Variants in SEL1L3 observed in about 807,000 individuals in gnomAD.
The protein encoded by SEL1L3 is protein sel-1 homolog 3.
In SEL1L3, 76 loss-of-function variants were observed where a neutral mutation model predicts 142.8. The ratio of observed to expected loss-of-function variants is 0.53; its 90% CI spans 0.44 to 0.64. The LOEUF is 0.64. SEL1L3 is among the 30% of genes least tolerant of loss of function. The pLI, the probability that SEL1L3 is intolerant of heterozygous loss-of-function variation, is 0.00. For synonymous variants in SEL1L3, 504 were observed against 519.6 expected (o/e 0.97, Z 0.41); for missense variants, 1,262 against 1,381.7 (o/e 0.91, Z 1.37).
chr4:25,806,687 T>A (rs1303094274), intron 9 of SEL1L3, among the ~76,000 whole-genome samples: 1 of 152,150 alleles, frequency 6.6e-6, no homozygotes, highest in Non-Finnish European at 1.5e-5. Context: ...ATCCTCCAGT[T>A]ACTAGCTTCT....
At chr4:25,847,260 G>C (rs757529696) in intron 2 of SEL1L3, 34 bp downstream of exon 2, 12 of 1,538,378 alleles carry the variant, frequency 7.8e-6, no homozygotes, top group Admixed American at 1.9e-5. Context: ...CTGAAAAAAT[G>C]AGAATTAGGT....
chr4:25,784,438 G>A, intron 13 of SEL1L3, 148 bp from the exon 14 acceptor site: 2 of 671,612 alleles, frequency 3.0e-6, no homozygotes, highest in Non-Finnish European at 2.6e-6. Context: ...TATAGGTAGT[G>A]CTATTTCATT....
At chr4:25,843,817 CA>C (rs1375957282) in intron 2 of SEL1L3, among the ~76,000 whole-genome samples, 1 of 152,238 alleles carries the variant, frequency 6.6e-6, no homozygotes, top group Admixed American at 6.5e-5. Context: ...AAATCAGCCT[CA>C]TGGCCTGGCC....
chr4:25,798,871 G>A (rs1268218469), intron 11 of SEL1L3, among the ~76,000 whole-genome samples: 2 of 151,986 alleles, frequency 1.3e-5, no homozygotes, highest in Non-Finnish European at 2.9e-5. Flanking sequence ...GGAGGAGGGG[G>A]TCTCCATCTG....
At chr4:25,734,091 T>G in the SEL1L3 span, among the ~76,000 whole-genome samples, 1 of 152,190 alleles carries the variant, frequency 6.6e-6, no homozygotes, top group Admixed American at 6.5e-5. Flanking sequence ...TGGCGTGATC[T>G]TGGCTCACTG....
At chr4:25,736,756 A>C in the SEL1L3 span, among the ~76,000 whole-genome samples, 1 of 151,790 alleles carries the variant, frequency 6.6e-6, no homozygotes, top group Non-Finnish European at 1.5e-5. Flanking sequence ...AAAATCTCTA[A>C]CTTTGTAGGT....
intron 7 of SEL1L3, 63 bp from the exon 8 acceptor site, chr4:25,820,003 G>A: frequency 6.6e-7 from 1 of 1,521,976 alleles, no homozygotes; most frequent in Non-Finnish European, 8.9e-7. Flanking sequence ...CCACCTCTAG[G>A]AGGATGTGTT....
chr4:25,756,181 A>G (rs1717945190), intron 23 of SEL1L3: 3 of 985,340 alleles, frequency 3.0e-6, no homozygotes, highest in Non-Finnish European at 3.6e-6. Flanking sequence ...GTCCTAATCT[A>G]CCCATTTGTA....
At position 25,748,556 on chromosome 4, in the gene SEL1L3, G is replaced by T. The variant is rs1717391522; in HGVS notation, c.3268C>A (p.Pro1090Thr). The T allele has an allele frequency of 1.2e-6, 2 of 1,610,054 alleles. No homozygotes were observed. Among genetic ancestry groups the T allele is most frequent in the Middle Eastern group, 1.7e-4 (1 of 6,040 alleles). Residue 1090 changes from proline to threonine, a missense_variant, in exon 24 of 24, where the codon CCC becomes ACC. By Grantham distance (38) the Pro-to-Thr change is conservative (BLOSUM62 -1). Coordinates refer to ENST00000399878, the MANE Select transcript of SEL1L3 (RefSeq NM_015187.5). ...GAGGCCTGGGATGGTCTTGGAGGGG[G>T]ATCGCTTGCTGCAGAGACACATGCA... ...QYFQSVSASD[P>T]PPRPSQASPD... is the part of the protein sequence containing the mutation.
At chr4:25,817,191 G>A (rs1714441804) in intron 9 of SEL1L3, among the ~76,000 whole-genome samples, 1 of 152,166 alleles carries the variant, frequency 6.6e-6, no homozygotes. Flanking sequence ...ATTTGCAAAG[G>A]AAATCTATGC....
chr4:25,803,596 GATGAGATGAAT>G (rs1713338227), intron 10 of SEL1L3, among the ~76,000 whole-genome samples: 1 of 152,190 alleles, frequency 6.6e-6, no homozygotes, highest in Admixed American at 6.5e-5. Flanking sequence ...AGTGTTTCCA[GATGAGATGAAT>G]ATTTGAACTG....
chr4:25,765,385 G>A lies in SEL1L3; in HGVS notation c.2896C>T (p.Gln966Ter). ...ATCTGCACAGACAACTCCAGGTCTT[G>A]TGACTGGTTTTGGTGGCCATAGTAG... ...LYYYGHQNQS[Q>*]DLELSVQMYA... is the part of the protein sequence containing the mutation. Residue 966 changes from glutamine to a stop codon, truncating the protein, a stop_gained, in exon 20 of 24, where the codon CAA becomes TAA. Transcript: ENST00000399878. LOFTEE classifies it high-confidence loss of function. 1 of 1,613,900 alleles carries A rather than the reference G, an allele frequency of 6.2e-7. No individual in the cohort carries two copies. The highest frequency in any genetic ancestry group is 8.5e-7 in the Non-Finnish European group (1 of 1,179,832).
intron 9 of SEL1L3, among the ~76,000 whole-genome samples, chr4:25,807,148 C>T (rs1713643383): frequency 6.6e-6 from 1 of 152,154 alleles, no homozygotes; most frequent in African/African-American, 2.4e-5. Context: ...GTCAGAAGCT[C>T]ATTCTTTCTA....
At position 25,747,498 on chromosome 4, in the gene SEL1L3, C is replaced by T. The variant is rs1317417522; in HGVS notation, c.*927G>A. 6.6e-6 allele frequency: 1 copy of T among 151,862 alleles called. No individual in the cohort carries two copies. The highest frequency in any genetic ancestry group is 2.4e-5 in the African/African-American group (1 of 41,328). 9.4% of individuals were successfully genotyped at this position (151,862 alleles called of 1,614,324 possible). ...AGTAGTGCAAAGAGTAGTTTGGACC[C>T]ACAATATTGCATTACTGATTTATTC... On this transcript the variant is annotated 3_prime_UTR_variant, in exon 24 of 24. Transcript: ENST00000399878.
chr4:25,774,628 A>C (rs536763089), intron 17 of SEL1L3, among the ~76,000 whole-genome samples: 19 of 152,332 alleles, frequency 1.2e-4, no homozygotes, highest in Non-Finnish European at 2.5e-4. Context: ...TGGGAGGCCA[A>C]GGTGGTGAAT....
chr4:25,828,558 T>A (rs986834265), intron 6 of SEL1L3, among the ~76,000 whole-genome samples: 1 of 152,024 alleles, frequency 6.6e-6, no homozygotes, highest in African/African-American at 2.4e-5. Flanking sequence ...CTAATTTTTT[T>A]ATTTTTAGTA....
the SEL1L3 span, among the ~76,000 whole-genome samples, chr4:25,736,175 T>C: frequency 6.7e-6 from 1 of 148,524 alleles, no homozygotes; most frequent in African/African-American, 2.5e-5. Context: ...TGATTTTCAA[T>C]TCATTTCCGT....
intron 20 of SEL1L3, among the ~76,000 whole-genome samples, chr4:25,762,709 G>A (rs28393370): frequency 2.6e-5 from 4 of 151,950 alleles, no homozygotes; most frequent in East Asian, 1.9e-4. Flanking sequence ...GGCCAGGTGC[G>A]GTGCTCACCC....
chr4:25,769,857 G>A (rs1481466790), intron 17 of SEL1L3, among the ~76,000 whole-genome samples: 1 of 152,184 alleles, frequency 6.6e-6, no homozygotes, highest in Non-Finnish European at 1.5e-5. Flanking sequence ...CAGGCGTGTG[G>A]TTGCTCATGC....
Sources: allele counts gnomAD v4.1 joint callset (sites outside exome capture counted in the v4.1 genomes callset), GRCh38; gene constraint gnomAD v4.1.1; transcripts MANE v1.5; gene names NCBI Gene and HGNC (gene_info 2026-07-23, HGNC 2026-07-21).